Variants in WDR4 observed in about 807,000 individuals in gnomAD.
WDR4 encodes WDR4 tRNA N7-guanosine methyltransferase non-catalytic subunit.
WDR4 carries 47 observed loss-of-function variants against 48.6 expected under a neutral mutation model. The observed-to-expected ratio is 0.97, with a 90% CI of 0.77 to 1.23. The LOEUF (loss-of-function observed/expected upper bound fraction) is 1.23. WDR4 is among the 50% of genes most tolerant of loss of function. WDR4 has a pLI of 0.00. For missense variants in WDR4, 606 were observed against 551.6 expected (o/e 1.10, Z -0.99); for synonymous variants, 268 against 230.0 (o/e 1.17, Z -1.49).
rs141913201 is a variant in WDR4 at position 42,859,764 on chromosome 21, G to A, written c.567-42C>T. Reference sequence around the variant, plus strand: ...GAGCGGCAGAGTCAGCGAGCCCAGCGCCCGCAGGGACCGGGAGGCCTGGGG... The same window carrying A: ...GAGCGGCAGAGTCAGCGAGCCCAGCACCCGCAGGGACCGGGAGGCCTGGGG... On this transcript the variant is annotated intron_variant, in intron 5 of 10. Coordinates refer to ENST00000398208, the MANE Select transcript of WDR4 (RefSeq NM_018669.6). 1,330 of 1,549,748 alleles carry A rather than the reference G, an allele frequency of 8.6e-4. 11 individuals are homozygous for A. The African/African-American group carries it at 0.016, about 19-fold the overall frequency.
chr21:42,854,432 G>A (rs1372184003), intron 8 of WDR4, 130 bp downstream of exon 8: 22 of 848,112 alleles, frequency 2.6e-5, no homozygotes, highest in South Asian at 3.8e-5. Flanking sequence ...TTCTCAGAGG[G>A]AGGTGCTAGA....
rs148793542 is a variant in WDR4, at chr21:42,866,764, G to A, written c.297-3168C>T. Among the ~76,000 whole-genome samples, 796 of 152,116 alleles carry A rather than the reference G, an allele frequency of 5.2e-3. 6 individuals carry two copies. Among genetic ancestry groups the A allele is most frequent in the African/African-American group, 0.019 (770 of 41,484 alleles). Reference sequence around the variant, plus strand: ...ATAATCCCCTCCAATTTCTCACTGAGAGAAAGGGTAACAATTTCACTCCAC... The same window carrying A: ...ATAATCCCCTCCAATTTCTCACTGAAAGAAAGGGTAACAATTTCACTCCAC... On this transcript the variant is annotated intron_variant, in intron 3 of 10. Coordinates refer to ENST00000398208, the MANE Select transcript of WDR4 (RefSeq NM_018669.6).
intron 1 of WDR4, 113 bp downstream of exon 1, chr21:42,879,294 C>T (rs1037736303): frequency 1.4e-6 from 2 of 1,451,698 alleles, no homozygotes; most frequent in Non-Finnish European, 1.8e-6. Context: ...GCGGAGTTCC[C>T]CGGGGTCACC....
At position 42,878,983 on chromosome 21, in the gene WDR4, C is replaced by G. The variant is rs545327032; in HGVS notation, c.89+424G>C. ...TGAGCTCGCAGTGAGTAAGCCCCTC[C>G]CTTCTCACCAGGGAGACCCGAGACC... On this transcript the variant is annotated intron_variant, in intron 1 of 10. Coordinates refer to ENST00000398208, the MANE Select transcript of WDR4 (RefSeq NM_018669.6). The G allele has an allele frequency of 1.7e-5, 17 of 1,002,052 alleles. No homozygotes were observed. The East Asian group carries it at 1.5e-3, about 90-fold the overall frequency. The allele number at this position is 1,002,052 out of a possible 1,614,324, so 62.1% of individuals were successfully genotyped here.
downstream of WDR4, chr21:42,849,183 A>C (rs7277464): frequency 7.0e-6 from 1 of 143,866 alleles, no homozygotes; most frequent in African/African-American, 2.6e-5. Flanking sequence ...CACAGCGCAC[A>C]ATCACACCGC....
chr21:42,850,050 C>G lies in WDR4; in HGVS notation c.1238G>C (p.Ter413SerextTer12), dbSNP rs1050407771. The change falls in exon 11 of 11, where the codon TGA (stop) becomes TCA (serine). Residue 413 changes from the stop codon to serine, a stop_lost. Coordinates refer to ENST00000398208, the MANE Select transcript of WDR4 (RefSeq NM_018669.6). ...MRPGEATLSC[*>S] ...GAGAGACACCACTGACCGCCACGAT[C>G]AGCAACTTAGCGTCGCCTCCCCCGG... 2.0e-5 allele frequency: 32 copies of G among 1,613,604 alleles called. No individual in the cohort carries two copies. The highest frequency in any genetic ancestry group is 2.5e-5 in the Non-Finnish European group (30 of 1,179,900).
chr21:42,873,837 G>T, intron 2 of WDR4, 146 bp from the exon 3 acceptor site: 1 of 928,550 alleles, frequency 1.1e-6, no homozygotes, highest in Non-Finnish European at 1.6e-6. Context: ...ATATTAAAGG[G>T]ACATGGGGAA....
At chr21:42,879,197 G>C (rs1019205444) in intron 1 of WDR4, 1 of 1,334,974 alleles carries the variant, frequency 7.5e-7, no homozygotes, top group South Asian at 1.9e-5. Context: ...CCGGGGAGCG[G>C]ACGCCGAGAG....
chr21:42,872,738 C>T (rs551794668), intron 3 of WDR4, among the ~76,000 whole-genome samples: 1 of 152,038 alleles, frequency 6.6e-6, no homozygotes, highest in Admixed American at 6.6e-5. Flanking sequence ...AGTTCAAGAG[C>T]TGGCCTGGCT....
chr21:42,853,774 A>G, intron 8 of WDR4, 22 bp from the exon 9 acceptor site: 3 of 1,543,760 alleles, frequency 1.9e-6, no homozygotes, highest in Non-Finnish European at 1.7e-6. Flanking sequence ...GAAAGAGAGC[A>G]TGATTACTAG....
intron 10 of WDR4, among the ~76,000 whole-genome samples, chr21:42,850,764 G>A (rs1157802272): frequency 1.3e-5 from 2 of 152,224 alleles, no homozygotes; most frequent in Non-Finnish European, 2.9e-5. Context: ...TAAGGGTGGG[G>A]TGCCTTAAGG....
chr21:42,876,569 G>A, intron 2 of WDR4, 133 bp downstream of exon 2: 1 of 779,184 alleles, frequency 1.3e-6, no homozygotes, highest in Non-Finnish European at 2.1e-6. Flanking sequence ...CTCTCCTGAG[G>A]TGCTACTTAT....
chr21:42,869,212 C>T (rs189388762), intron 3 of WDR4, among the ~76,000 whole-genome samples: 1 of 152,232 alleles, frequency 6.6e-6, no homozygotes, highest in Admixed American at 6.5e-5. Flanking sequence ...TCTGTACGGA[C>T]CAAAACCAAA....
intron 6 of WDR4, among the ~76,000 whole-genome samples, chr21:42,858,099 A>T (rs533875232): frequency 2.0e-5 from 3 of 152,224 alleles, no homozygotes; most frequent in East Asian, 3.8e-4. Flanking sequence ...CTCAAAAAAA[A>T]TAAGAATCAG....
intron 2 of WDR4, among the ~76,000 whole-genome samples, chr21:42,876,216 C>CTTTTTTTTT (rs1491253275): frequency 3.3e-4 from 20 of 60,974 alleles, no homozygotes; most frequent in African/African-American, 1.1e-3. Context: ...TAACACTGTA[C>CTTTTTTTTT]TCTTTTTTTT....
At chr21:42,859,917 C>T (rs907449142) in intron 5 of WDR4, among the ~76,000 whole-genome samples, 195 bp from the exon 6 acceptor site, 17 of 152,244 alleles carry the variant, frequency 1.1e-4, no homozygotes, top group South Asian at 6.2e-4. Context: ...GGCCCCTGGA[C>T]GCAGTCGGGG....
At chr21:42,847,737 ATT>A (rs1466858556), downstream of WDR4, among the ~76,000 whole-genome samples, 2 of 152,242 alleles carry the variant, frequency 1.3e-5, no homozygotes, top group Non-Finnish European at 2.9e-5. Flanking sequence ...TATATTTTTA[ATT>A]TGTTTTCAAC....
At chr21:42,865,436 C>T (rs565452151) in intron 3 of WDR4, among the ~76,000 whole-genome samples, 4 of 152,266 alleles carry the variant, frequency 2.6e-5, no homozygotes, top group Admixed American at 6.5e-5. Flanking sequence ...ACTCACAGGG[C>T]GCTCATCCCC....
intron 3 of WDR4, among the ~76,000 whole-genome samples, chr21:42,869,543 G>A (rs558510457): frequency 3.3e-5 from 5 of 152,278 alleles, no homozygotes; most frequent in South Asian, 2.1e-4. Context: ...CAGAAAGGCC[G>A]TGTGAGAAAG....
Sources: gnomAD v4.1 joint callset for allele counts (sites outside exome capture counted in the v4.1 genomes callset) on GRCh38, gnomAD v4.1.1 for gene constraint, MANE v1.5 for transcripts, NCBI Gene and HGNC (gene_info 2026-07-23, HGNC 2026-07-21) for gene names.